The following ANKRD11 variants were observed in gnomAD, a reference collection of about 807,000 sequenced individuals.
The protein encoded by ANKRD11 is ankyrin repeat domain 11, also known as ankyrin repeat domain-containing protein 11.
In ANKRD11, 17 loss-of-function variants were observed where a neutral mutation model predicts 195.7. The observed-to-expected ratio is 0.09, with a 90% confidence interval of 0.06 to 0.13. The LOEUF (loss-of-function observed/expected upper bound fraction) is 0.13, where lower values mean the gene tolerates loss of function less well. Ranked by LOEUF, ANKRD11 falls within the 10% of genes least tolerant of loss-of-function variation. The pLI is 1.00. For missense variants in ANKRD11, 3,735 were observed against 3,566.1 expected (o/e 1.05, Z -1.21); for synonymous variants, 1,953 against 1,528.1 (o/e 1.28, Z -6.49).
At position 89,283,288 on chromosome 16, in the gene ANKRD11, T is replaced by C; in HGVS notation, c.3254A>G (p.Glu1085Gly). 1 of 1,614,212 alleles carries C rather than the reference T, an allele frequency of 6.2e-7. No individual in the cohort carries two copies. Among genetic ancestry groups the C allele is most frequent in the Non-Finnish European group, 8.5e-7 (1 of 1,180,044 alleles). The stretch of plus-strand genomic sequence containing the variant: ...CCCAGGGAAAGCCTTCTCCTTCTTC[T>C]CTTTCCCTTGGTCGAGAGACGCTTT... ...ERKASLDQGK[E>G]KKEKAFPGII... The change falls in exon 9 of 13, where the codon GAG (glutamate) becomes GGG (glycine). Residue 1085 changes from glutamate to glycine, a missense_variant. By Grantham distance (98) the Glu-to-Gly change is moderately conservative. Coordinates refer to ENST00000301030, the MANE Select transcript of ANKRD11 (RefSeq NM_013275.6). The surrounding 1 kb of genome is among the most constrained non-coding windows in gnomAD (Gnocchi z 4.3).
intron 2 of ANKRD11, among the ~76,000 whole-genome samples, chr16:89,336,250 C>A (rs892200504): frequency 6.6e-6 from 1 of 152,226 alleles, no homozygotes; most frequent in African/African-American, 2.4e-5. Flanking sequence ...ATCAACAGAG[C>A]TGGACCTGGT....
chr16:89,279,404 G>C lies in ANKRD11; in HGVS notation c.7138C>G (p.Gln2380Glu). Reference sequence around the variant, plus strand: ...CGGCGTTTGCGCGGATGCTGGGCCTGGGCGTCGTCGTCCTCGGAGCCGCGG... The same window carrying C: ...CGGCGTTTGCGCGGATGCTGGGCCTCGGCGTCGTCGTCCTCGGAGCCGCGG... ...KARGSEDDDA[Q>E]AQHPRKRRFQ... Residue 2380 changes from glutamine to glutamate, a missense_variant, in exon 9 of 13, where the codon CAG becomes GAG. By Grantham distance (29) the Gln-to-Glu change is conservative (BLOSUM62 2). Coordinates refer to ENST00000301030, the MANE Select transcript of ANKRD11 (RefSeq NM_013275.6). The surrounding 1 kb of genome is among the most constrained non-coding windows in gnomAD (Gnocchi z 5.6). 4 of 1,543,486 alleles carry C rather than the reference G, an allele frequency of 2.6e-6. No homozygotes were observed. The highest frequency in any genetic ancestry group is 3.5e-6 in the Non-Finnish European group (4 of 1,148,220).
In ANKRD11 at chr16:89,490,412, AGCCCGCCCCTCGGGCGC is replaced by A; in HGVS notation, c.-329_-313del. On this transcript the variant is annotated 5_prime_UTR_variant, in exon 1 of 13. Coordinates refer to ENST00000301030, the MANE Select transcript of ANKRD11 (RefSeq NM_013275.6). ...GAGCTGCGAGGGACGGCGGGAGGCG[AGCCCGCCCCTCGGGCGC>A]GCCCACGGCTCGGGCGAGAGCCGCG... 2 of 284,244 alleles carry A rather than the reference AGCCCGCCCCTCGGGCGC, an allele frequency of 7.0e-6. No homozygotes were observed. The highest frequency in any genetic ancestry group is 1.3e-5 in the Non-Finnish European group (2 of 153,494). 17.6% of individuals were successfully genotyped at this position (284,244 alleles called of 1,614,324 possible).
chr16:89,392,725 G>A (rs2041253220), intron 2 of ANKRD11: 1 of 148,174 alleles, frequency 6.7e-6, no homozygotes, highest in African/African-American at 2.5e-5. Context: ...ACAGACAACG[G>A]TATCTAGGAT....
intron 2 of ANKRD11, among the ~76,000 whole-genome samples, chr16:89,319,233 G>A (rs757642822): frequency 5.3e-5 from 8 of 152,172 alleles, no homozygotes; most frequent in Non-Finnish European, 8.8e-5. Context: ...CACGGCCTCC[G>A]GACGGTGTCT....
intron 2 of ANKRD11, chr16:89,412,566 G>A (rs1007240277): frequency 6.6e-6 from 1 of 152,140 alleles, no homozygotes; most frequent in Non-Finnish European, 1.5e-5. Flanking sequence ...AATTACATCT[G>A]GGAAGAAACA....
intron 2 of ANKRD11, among the ~76,000 whole-genome samples, chr16:89,358,704 G>A (rs545294599): frequency 7.2e-5 from 11 of 152,322 alleles, no homozygotes; most frequent in African/African-American, 2.2e-4. Flanking sequence ...AGCTGCCCTC[G>A]CTGGCCCTGT....
chr16:89,397,287 C>T (rs142071859), intron 2 of ANKRD11, among the ~76,000 whole-genome samples: 19 of 152,356 alleles, frequency 1.2e-4, no homozygotes, highest in African/African-American at 3.8e-4. Flanking sequence ...CAGCCAAGAA[C>T]CCCCTCAGGG....
intron 2 of ANKRD11, among the ~76,000 whole-genome samples, chr16:89,373,965 C>T (rs2040307207): frequency 6.6e-6 from 1 of 152,248 alleles, no homozygotes; most frequent in East Asian, 1.9e-4. Context: ...GGCCCTGGCC[C>T]ACTCGACATC....
chr16:89,442,352 T>A (rs138916148), intron 1 of ANKRD11, among the ~76,000 whole-genome samples: 1 of 152,346 alleles, frequency 6.6e-6, no homozygotes, highest in East Asian at 1.9e-4. Context: ...AGGGATGCAG[T>A]AGAGCTTCTC....
At chr16:89,456,093 A>G (rs2056421156) in intron 1 of ANKRD11, among the ~76,000 whole-genome samples, 1 of 152,022 alleles carries the variant, frequency 6.6e-6, no homozygotes, top group Non-Finnish European at 1.5e-5. Context: ...TACAAAAAGT[A>G]GTCTGGTGTG....
At chr16:89,341,445 T>C (rs779675599) in intron 2 of ANKRD11, among the ~76,000 whole-genome samples, 12 of 152,202 alleles carry the variant, frequency 7.9e-5, no homozygotes, top group Non-Finnish European at 1.6e-4. Context: ...CTTCCCAGCC[T>C]TCCAGAAGGT....
intron 2 of ANKRD11, among the ~76,000 whole-genome samples, chr16:89,384,299 G>C (rs1168324730): frequency 2.6e-5 from 4 of 152,188 alleles, no homozygotes; most frequent in Non-Finnish European, 5.9e-5. Flanking sequence ...GGGAGACCGA[G>C]TTGGGTGGAT....
intron 1 of ANKRD11, 63 bp from the exon 2 acceptor site, chr16:89,418,431 C>T (rs1201566631): frequency 7.3e-6 from 3 of 411,494 alleles, no homozygotes; most frequent in Non-Finnish European, 1.5e-5. Context: ...TCTTTCATCG[C>T]TCTCGTCTCC....
Position 89,411,721 on chromosome 16 carries a change from C to T in ANKRD11, c.-60+6563G>A, listed in dbSNP as rs558979491. On this transcript the variant is annotated intron_variant, in intron 2 of 12. Coordinates refer to ENST00000301030, the MANE Select transcript of ANKRD11 (RefSeq NM_013275.6). Reference sequence around the variant, plus strand: ...TTTACATTCGGAACCCACCACTATCCCCTTGTTGACAGTAAGCACATCCCA... The same window carrying T: ...TTTACATTCGGAACCCACCACTATCTCCTTGTTGACAGTAAGCACATCCCA... 6.6e-5 allele frequency among the ~76,000 whole-genome samples: 10 copies of T among 152,288 alleles called. No homozygotes were observed. In the South Asian group the frequency reaches 1.5e-3, roughly 22 times the overall value.
In ANKRD11 at chr16:89,285,292, C is replaced by A; in HGVS notation, c.1250G>T (p.Ser417Ile). The A allele has an allele frequency of 6.2e-7, 1 of 1,613,958 alleles. No homozygotes were observed. The highest frequency in any genetic ancestry group is 8.5e-7 in the Non-Finnish European group (1 of 1,180,040). The part of the protein sequence containing the change: ...LSDTSDEEDA[S>I]VTVGTGEKLR... ...CTTCTCTCCTGTCCCCACGGTGACA[C>A]TCGCGTCCTCCTCGTCCGACGTGTC... The change falls in exon 9 of 13, where the codon AGT becomes ATT. Residue 417 changes from serine (S) to isoleucine (I), a missense_variant. Ser to Ile is a moderately radical substitution (Grantham distance 142, BLOSUM62 -2). Transcript: ENST00000301030. The surrounding 1 kb of genome is among the most constrained non-coding windows in gnomAD (Gnocchi z 5.6).
intron 2 of ANKRD11, among the ~76,000 whole-genome samples, chr16:89,340,316 C>T (rs1053544459): frequency 1.3e-5 from 2 of 152,226 alleles, no homozygotes; most frequent in African/African-American, 4.8e-5. Context: ...CTCGCTCTGT[C>T]GCCCAGGCTG....
rs377219970 is a variant in ANKRD11 at position 89,281,275 on chromosome 16, C to T, written c.5267G>A (p.Cys1756Tyr). 3 of 1,614,074 alleles carry T rather than the reference C, an allele frequency of 1.9e-6. No homozygotes were observed. The African/African-American group carries it at 4.0e-5, about 22-fold the overall frequency. ...GAACCTGTCGAAAAAGGAGGGGGAG[C>T]AGGCGCTGGTGGGAGCGGTGGGCAC... is the stretch of plus-strand genomic sequence containing the variant. The part of the protein sequence containing the change: ...TPVPTAPTSA[C>Y]SPSFFDRFSV... The change falls in exon 9 of 13, where the codon TGC (cysteine) becomes TAC (tyrosine). Residue 1756 changes from cysteine (C) to tyrosine (Y), a missense_variant. Transcript: ENST00000301030. This position sits in a 1 kb window ranked among gnomAD's most constrained non-coding sequence, Gnocchi z 5.5.
Position 89,291,275 on chromosome 16 carries a change from G to GCGTC in ANKRD11, c.227-96_227-93dup. The GCGTC allele has an allele frequency of 6.8e-7, 1 of 1,472,002 alleles. No individual in the cohort carries two copies. Among genetic ancestry groups the GCGTC allele is most frequent in the Non-Finnish European group, 9.3e-7 (1 of 1,073,796 alleles). The allele number at this position is 1,472,002 out of a possible 1,614,324, so 91.2% of individuals were successfully genotyped here. A position where few individuals can be genotyped will look rare whatever the true frequency, so the allele number is the denominator to read the frequency against. ...CTTACCTAATGTTACGGAGCCCCCTGCGTCCACCTGACAGCTGACAGAGCA... is the reference window on the plus strand; with the variant it reads ...CTTACCTAATGTTACGGAGCCCCCTGCGTCCGTCCACCTGACAGCTGACAGAGCA... On this transcript the variant is annotated intron_variant, in intron 4 of 12. Transcript: ENST00000301030. The surrounding 1 kb of genome is among the most constrained non-coding windows in gnomAD (Gnocchi z 5.3).
Sources: allele counts gnomAD v4.1 joint callset (sites outside exome capture counted in the v4.1 genomes callset), GRCh38; gene constraint gnomAD v4.1.1; non-coding constraint Gnocchi (gnomAD v3.1); transcripts MANE v1.5; gene names NCBI Gene and HGNC (gene_info 2026-07-23, HGNC 2026-07-21).